TMEFF2: variants seen among roughly 807,000 people sequenced by gnomAD.
TMEFF2 encodes tomoregulin-2.
TMEFF2 carries 28 observed loss-of-function variants against 53.8 expected under a neutral mutation model. That is an observed-to-expected ratio of 0.52 (90% confidence interval 0.39 to 0.71). The LOEUF is 0.71. TMEFF2 is among the 30% of genes least tolerant of loss of function. TMEFF2 has a pLI of 0.00. For synonymous variants in TMEFF2, 162 were observed against 166.3 expected (o/e 0.97, Z 0.20); for missense variants, 353 against 455.2 (o/e 0.78, Z 2.04).
intron 5 of TMEFF2, among the ~76,000 whole-genome samples, chr2:192,008,749 A>G (rs1034638024): frequency 3.3e-5 from 5 of 152,200 alleles, no homozygotes; most frequent in African/African-American, 1.2e-4. Context: ...TCATTATCAT[A>G]TTGAACGTTT....
chr2:192,146,921 T>C (rs1690265922), intron 4 of TMEFF2, among the ~76,000 whole-genome samples: 1 of 152,076 alleles, frequency 6.6e-6, no homozygotes, highest in Non-Finnish European at 1.5e-5. Context: ...AAAGGAAAAA[T>C]TGTAACTATA....
At chr2:192,150,254 T>C (rs1372180678) in intron 4 of TMEFF2, among the ~76,000 whole-genome samples, 3 of 151,922 alleles carry the variant, frequency 2.0e-5, no homozygotes, top group Non-Finnish European at 4.4e-5. Context: ...CACACAAGAA[T>C]TGTTATTAAA....
chr2:192,003,651 A>G (rs1686420133), intron 5 of TMEFF2, among the ~76,000 whole-genome samples: 1 of 152,210 alleles, frequency 6.6e-6, no homozygotes, highest in Admixed American at 6.5e-5. Flanking sequence ...CTGACTATCT[A>G]AAGCATCAGT....
At chr2:192,025,645 C>T (rs1403763401) in intron 5 of TMEFF2, among the ~76,000 whole-genome samples, 1 of 151,320 alleles carries the variant, frequency 6.6e-6, no homozygotes, top group Non-Finnish European at 1.5e-5. Flanking sequence ...TAATAAAAAA[C>T]TCTGTCTGGA....
At chr2:192,067,640 A>T (rs1194976908) in intron 4 of TMEFF2, among the ~76,000 whole-genome samples, 1 of 151,820 alleles carries the variant, frequency 6.6e-6, no homozygotes, top group Non-Finnish European at 1.5e-5. Flanking sequence ...ATTAACTTAC[A>T]CTTCTGTATG....
chr2:192,163,824 AT>A (rs1355864356), intron 4 of TMEFF2, among the ~76,000 whole-genome samples: 8 of 152,188 alleles, frequency 5.3e-5, no homozygotes, highest in African/African-American at 1.9e-4. Context: ...AAATGACGTG[AT>A]GGGGTTATTT....
chr2:192,118,039 T>C (rs558867712), intron 4 of TMEFF2, among the ~76,000 whole-genome samples: 1 of 148,720 alleles, frequency 6.7e-6, no homozygotes, highest in Non-Finnish European at 1.5e-5. Context: ...TACCCTCCAC[T>C]GGTAACAGTT....
At chr2:191,997,339 A>G (rs1479453572) in intron 7 of TMEFF2, among the ~76,000 whole-genome samples, 2 of 148,568 alleles carry the variant, frequency 1.3e-5, no homozygotes, top group South Asian at 2.1e-4. Flanking sequence ...TCAGATCTCT[A>G]TATTAACTAA....
chr2:192,037,210 CA>C (rs1687317107), intron 5 of TMEFF2: 1 of 149,948 alleles, frequency 6.7e-6, no homozygotes, highest in African/African-American at 2.5e-5. Flanking sequence ...TACTATATAG[CA>C]AATGTTCTGG....
At chr2:192,164,438 A>C (rs1235182055) in intron 4 of TMEFF2, among the ~76,000 whole-genome samples, 1 of 152,196 alleles carries the variant, frequency 6.6e-6, no homozygotes, top group African/African-American at 2.4e-5. Flanking sequence ...CTTTCTTAAA[A>C]GTAATTACAG....
intron 4 of TMEFF2, among the ~76,000 whole-genome samples, chr2:192,069,984 GTGTGTATATA>G (rs1688252011): frequency 2.9e-4 from 2 of 6,844 alleles, no homozygotes; most frequent in African/African-American, 7.8e-4. Flanking sequence ...GTGTGTGTGT[GTGTGTATATA>G]TATATATATA....
intron 5 of TMEFF2, among the ~76,000 whole-genome samples, chr2:192,050,520 T>G (rs968211613): frequency 1.3e-5 from 2 of 152,198 alleles, no homozygotes; most frequent in East Asian, 3.8e-4. Context: ...TGTTGGTGGT[T>G]GTTATTATTT....
At chr2:192,045,072 G>T (rs1298151127) in intron 5 of TMEFF2, among the ~76,000 whole-genome samples, 1 of 152,202 alleles carries the variant, frequency 6.6e-6, no homozygotes, top group Non-Finnish European at 1.5e-5. Context: ...GCCTGCTTCT[G>T]TGGCCTCACA....
intron 5 of TMEFF2, chr2:192,035,086 T>A (rs1687252494): frequency 6.6e-6 from 1 of 152,206 alleles, no homozygotes; most frequent in Non-Finnish European, 1.5e-5. Context: ...GGCACTGATG[T>A]TGAGAGCATC....
intron 4 of TMEFF2, among the ~76,000 whole-genome samples, chr2:192,121,440 G>C (rs1454618334): frequency 1.3e-5 from 2 of 152,172 alleles, no homozygotes; most frequent in African/African-American, 4.8e-5. Context: ...TGGAGACAAA[G>C]TAGAAGGAGG....
In TMEFF2 at chr2:192,123,995, A is replaced by G. The variant is rs568424000; in HGVS notation, c.439+55673T>C. 7.7e-4 allele frequency among the ~76,000 whole-genome samples: 117 copies of G among 152,322 alleles called. 1 individual carries two copies. Among genetic ancestry groups the G allele is most frequent in the Non-Finnish European group, 1.4e-3 (92 of 68,020 alleles). On this transcript the variant is annotated intron_variant, in intron 4 of 9. Transcript: ENST00000272771. ...ATTCCATCATCTCCATTAGTTTGCCAACTGGCACTGACAGGAGTGCAAAAC... is the reference window on the plus strand; with the variant it reads ...ATTCCATCATCTCCATTAGTTTGCCGACTGGCACTGACAGGAGTGCAAAAC...
At chr2:191,953,032 A>G (rs1380117533) in intron 9 of TMEFF2, among the ~76,000 whole-genome samples, 1 of 152,204 alleles carries the variant, frequency 6.6e-6, no homozygotes, top group Non-Finnish European at 1.5e-5. Context: ...TTGAAGTCCA[A>G]TTCTTGGTTA....
chr2:191,953,722 T>C lies in TMEFF2; in HGVS notation c.985A>G (p.Ile329Val), dbSNP rs1691961154. 1.2e-6 allele frequency: 2 copies of C among 1,614,122 alleles called. No homozygotes were observed. Among genetic ancestry groups the C allele is most frequent in the Non-Finnish European group, 1.7e-6 (2 of 1,179,988 alleles). Residue 329 changes from isoleucine to valine, a missense_variant, in exon 9 of 10, where the codon ATT becomes GTT. Ile to Val is a conservative substitution (Grantham distance 29). Coordinates refer to ENST00000272771, the MANE Select transcript of TMEFF2 (RefSeq NM_016192.4). ...ACCACACAGATGACAGCAATCTGAA[T>C]TGTTCCAATCACAGCTGCGATTAAG... ...YVLIAAVIGT[I>V]QIAVICVVVL...
At chr2:192,140,251 T>G (rs1245005547) in intron 4 of TMEFF2, among the ~76,000 whole-genome samples, 2 of 152,214 alleles carry the variant, frequency 1.3e-5, no homozygotes, top group African/African-American at 4.8e-5. Flanking sequence ...GCAATTTGTT[T>G]GACAAGAACA....
Sources: gnomAD v4.1 joint callset for allele counts (sites outside exome capture counted in the v4.1 genomes callset) on GRCh38, gnomAD v4.1.1 for gene constraint, MANE v1.5 for transcripts, NCBI Gene and HGNC (gene_info 2026-07-23, HGNC 2026-07-21) for gene names.